The following WARS2 variants were observed in gnomAD, a reference collection of about 807,000 sequenced individuals.
WARS2 encodes tryptophan--tRNA ligase, mitochondrial.
WARS2 carries 28 observed loss-of-function variants against 36.5 expected under a neutral mutation model. The ratio of observed to expected loss-of-function variants is 0.77; its 90% CI spans 0.57 to 1.05. The LOEUF (loss-of-function observed/expected upper bound fraction) is 1.05. Ranked by LOEUF, WARS2 falls within the 50% of genes least tolerant of loss-of-function variation. The pLI is 0.00. For missense variants in WARS2, 435 were observed against 456.8 expected, an observed-to-expected ratio of 0.95 and a Z score of 0.44; for synonymous variants, 174 against 178.4, an observed-to-expected ratio of 0.98 and a Z score of 0.20.
intron 1 of WARS2, among the ~76,000 whole-genome samples, chr1:119,107,630 C>T (rs960222411): frequency 4.6e-5 from 7 of 151,678 alleles, no homozygotes; most frequent in Non-Finnish European, 1.0e-4. Flanking sequence ...CTCTCTCTCT[C>T]TAGATGAATG....
In WARS2 at chr1:119,072,290, G is replaced by A. The variant is rs1391972291; in HGVS notation, c.348+4060C>T. 2.6e-5 allele frequency among the ~76,000 whole-genome samples: 4 copies of A among 152,242 alleles called. No homozygotes were observed. In the South Asian group the frequency reaches 8.3e-4, roughly 32 times the overall value. On this transcript the variant is annotated intron_variant, in intron 2 of 5. Coordinates refer to ENST00000235521, the MANE Select transcript of WARS2 (RefSeq NM_015836.4). ...AATGTTCATTTCCAGGCAATCCACG[G>A]GCAGTAGGTAAGCACAGCTTCTACT...
intron 1 of WARS2, among the ~76,000 whole-genome samples, chr1:119,138,900 T>C (rs915700455): frequency 2.0e-5 from 3 of 152,154 alleles, no homozygotes; most frequent in South Asian, 2.1e-4. Context: ...ACTGAAACAA[T>C]AGTAGAGGTT....
intron 1 of WARS2, among the ~76,000 whole-genome samples, chr1:119,113,485 C>A (rs587759177): frequency 6.6e-6 from 1 of 152,032 alleles, no homozygotes; most frequent in Non-Finnish European, 1.5e-5. Flanking sequence ...ATAGCAGATT[C>A]CTTAAGACTA....
intron 3 of WARS2, 22 bp from the exon 4 acceptor site, chr1:119,042,371 G>A (rs1180565488): frequency 1.2e-6 from 2 of 1,609,866 alleles, no homozygotes; most frequent in Non-Finnish European, 1.7e-6. Flanking sequence ...GAAAAGAGAG[G>A]AGGGGAAGAA....
chr1:119,062,651 G>T (rs1024860895), intron 2 of WARS2, among the ~76,000 whole-genome samples: 2 of 152,098 alleles, frequency 1.3e-5, no homozygotes, highest in Non-Finnish European at 2.9e-5. Context: ...GAGTCATGGG[G>T]ACCCGTGTTT....
At chr1:119,062,106 C>G (rs1008447080) in intron 2 of WARS2, among the ~76,000 whole-genome samples, 4 of 152,160 alleles carry the variant, frequency 2.6e-5, no homozygotes, top group Admixed American at 6.5e-5. Context: ...GTACCACCCA[C>G]TGATGTAGAT....
chr1:119,101,284 A>C (rs1194125046), intron 1 of WARS2, among the ~76,000 whole-genome samples: 1 of 152,120 alleles, frequency 6.6e-6, no homozygotes, highest in East Asian at 1.9e-4. Flanking sequence ...ATGTAACAAA[A>C]CTTCACATGT....
At chr1:119,105,840 G>A (rs1654199047) in intron 1 of WARS2, among the ~76,000 whole-genome samples, 1 of 152,162 alleles carries the variant, frequency 6.6e-6, no homozygotes, top group Non-Finnish European at 1.5e-5. Flanking sequence ...AACCTGGGAG[G>A]TGGAGGTTGC....
intron 1 of WARS2, among the ~76,000 whole-genome samples, chr1:119,076,821 CAT>C (rs1400499575): frequency 6.6e-6 from 1 of 152,042 alleles, no homozygotes; most frequent in African/African-American, 2.4e-5. Flanking sequence ...TGCACTCAAA[CAT>C]GGACAAATGC....
At chr1:119,055,331 G>T (rs934509401) in intron 2 of WARS2, among the ~76,000 whole-genome samples, 1 of 152,164 alleles carries the variant, frequency 6.6e-6, no homozygotes, top group African/African-American at 2.4e-5. Flanking sequence ...TCTGAGAAGT[G>T]GTCAGGCATG....
chr1:119,126,532 C>A (rs368390151), intron 1 of WARS2: 45 of 488,754 alleles, frequency 9.2e-5, no homozygotes, highest in African/African-American at 9.0e-4. Context: ...TATTAAAAGT[C>A]TGAACTTCAG....
At chr1:119,052,501 C>T (rs1402215607) in intron 2 of WARS2, among the ~76,000 whole-genome samples, 2 of 152,226 alleles carry the variant, frequency 1.3e-5, no homozygotes, top group Admixed American at 6.5e-5. Context: ...CTCTCTTCAA[C>T]TGGTCTTCCC....
intron 2 of WARS2, among the ~76,000 whole-genome samples, chr1:119,069,365 A>G (rs1342945474): frequency 1.3e-5 from 2 of 152,190 alleles, no homozygotes; most frequent in African/African-American, 4.8e-5. Flanking sequence ...CTAAATTCTT[A>G]TCCTTTCTGT....
chr1:119,040,294 AAAG>A (rs984248775), intron 4 of WARS2, among the ~76,000 whole-genome samples: 7 of 152,366 alleles, frequency 4.6e-5, no homozygotes, highest in Non-Finnish European at 1.0e-4. Context: ...CAATGGAATT[AAAG>A]AAGAGGCTCC....
chr1:119,099,548 G>T (rs1216339163), intron 1 of WARS2, among the ~76,000 whole-genome samples: 3 of 152,178 alleles, frequency 2.0e-5, no homozygotes, highest in Non-Finnish European at 4.4e-5. Flanking sequence ...GGAGGAAAAC[G>T]CTTTGGTCTT....
chr1:119,051,335 C>T lies in WARS2; in HGVS notation c.349-5673G>A, dbSNP rs537162121. Among the ~76,000 whole-genome samples the T allele has an allele frequency of 1.2e-4, 18 of 152,226 alleles. 1 individual carries two copies. The highest frequency in any genetic ancestry group is 2.1e-4 in the South Asian group (1 of 4,814). On this transcript the variant is annotated intron_variant, in intron 2 of 5. Coordinates refer to ENST00000235521, the MANE Select transcript of WARS2 (RefSeq NM_015836.4). ...TGCTAAGGATAATGGCCTCCAGCTC[C>T]GTCCATGTTCCTGCAAAGAAAATGA...
At chr1:119,081,622 CT>C (rs1652196134) in intron 1 of WARS2, among the ~76,000 whole-genome samples, 1 of 152,078 alleles carries the variant, frequency 6.6e-6, no homozygotes. Context: ...ATGAAAATCT[CT>C]TTCTATAAGT....
intron 1 of WARS2, among the ~76,000 whole-genome samples, chr1:119,094,878 T>C (rs1405453711): frequency 4.6e-5 from 7 of 151,750 alleles, no homozygotes; most frequent in Non-Finnish European, 1.0e-4. Flanking sequence ...TAAATAACTT[T>C]AGGAAAAAAA....
At chr1:119,039,644 G>T (rs1648182507) in intron 4 of WARS2, among the ~76,000 whole-genome samples, 1 of 152,050 alleles carries the variant, frequency 6.6e-6, no homozygotes, top group Non-Finnish European at 1.5e-5. Flanking sequence ...GCTGAAGATG[G>T]TCTCAGCTGT....
Sources: gnomAD v4.1 joint callset for allele counts (sites outside exome capture counted in the v4.1 genomes callset) on GRCh38, gnomAD v4.1.1 for gene constraint, MANE v1.5 for transcripts, NCBI Gene and HGNC (gene_info 2026-07-23, HGNC 2026-07-21) for gene names.